TCF25: variants seen among roughly 807,000 people sequenced by gnomAD.
The protein encoded by TCF25 is TCF25 ribosome quality control complex subunit, also known as ribosome quality control complex subunit TCF25.
TCF25 carries 41 observed loss-of-function variants against 83.1 expected under a neutral mutation model. That is an observed-to-expected ratio of 0.49 (90% CI 0.38 to 0.64). TCF25 has a LOEUF of 0.64. TCF25 is among the 30% of genes least tolerant of loss of function. The pLI, the probability that TCF25 is intolerant of heterozygous loss-of-function variation, is 0.00. For synonymous variants in TCF25, 458 were observed against 365.0 expected, an observed-to-expected ratio of 1.25 and a Z score of -2.90; for missense variants, 979 against 914.5, an observed-to-expected ratio of 1.07 and a Z score of -0.91.
At chr16:89,878,537 C>A (rs747794792) in intron 1 of TCF25, 2 of 1,230,554 alleles carry the variant, frequency 1.6e-6, no homozygotes, top group South Asian at 2.8e-5. Flanking sequence ...GCTGATCGAG[C>A]TTTATCCTAA....
intron 12 of TCF25, among the ~76,000 whole-genome samples, chr16:89,903,622 A>T (rs1348373976): frequency 2.0e-5 from 3 of 152,110 alleles, no homozygotes; most frequent in Non-Finnish European, 4.4e-5. Flanking sequence ...CCTGGCCAGC[A>T]TGGTGAAACC....
chr16:89,879,318 G>A lies in TCF25; in HGVS notation c.193-4033G>A, dbSNP rs1442456091. Among the ~76,000 whole-genome samples the A allele has an allele frequency of 2.1e-5, 3 of 145,232 alleles. 1 individual carries two copies. Among genetic ancestry groups the A allele is most frequent in the African/African-American group, 5.3e-5 (2 of 37,616 alleles). On this transcript the variant is annotated intron_variant, in intron 1 of 17. Transcript: ENST00000263346. ...AGACGGGCTTCAGAGCCTGTCACAC[G>A]TGCTGTTCGTGTACACAGACGGGCT...
intron 16 of TCF25, among the ~76,000 whole-genome samples, chr16:89,908,632 A>G (rs868051296): frequency 1.8e-3 from 11 of 6,132 alleles, no homozygotes; most frequent in Non-Finnish European, 2.4e-3. Context: ...CCCAGCTCCC[A>G]CCTCCCACCT....
intron 1 of TCF25, among the ~76,000 whole-genome samples, chr16:89,881,599 T>G (rs2042613422): frequency 6.6e-6 from 1 of 152,040 alleles, no homozygotes; most frequent in Non-Finnish European, 1.5e-5. Context: ...TCAAGAGGTG[T>G]GTGCCACCAC....
chr16:89,894,976 A>G, intron 7 of TCF25, 62 bp from the exon 8 acceptor site: 1 of 1,486,306 alleles, frequency 6.7e-7, no homozygotes, highest in Non-Finnish European at 9.3e-7. Flanking sequence ...AAAAAAAGGC[A>G]TGCCTGGGAG....
rs967480369 is a variant in TCF25 at position 89,894,339 on chromosome 16, C to G, written c.828+481C>G. ...ACCCTGGACAGCCCTCATGCAGCCC[C>G]TGGACAGCTCCCCTTGCAGCCCCGG... On this transcript the variant is annotated intron_variant, in intron 7 of 17. Coordinates refer to ENST00000263346, the MANE Select transcript of TCF25 (RefSeq NM_014972.3). Among the ~76,000 whole-genome samples, 82 of 150,486 alleles carry G rather than the reference C, an allele frequency of 5.4e-4. 1 individual carries two copies. Among genetic ancestry groups the G allele is most frequent in the Non-Finnish European group, 1.0e-4 (7 of 67,562 alleles).
chr16:89,898,642 A>G lies in TCF25; in HGVS notation c.1108A>G (p.Ile370Val). The change falls in exon 10 of 18, where the codon ATC (isoleucine) becomes GTC (valine). Residue 370 changes from isoleucine (I) to valine (V), a missense_variant. Ile to Val is a conservative substitution (Grantham distance 29). Transcript: ENST00000263346. ...PRTALEYCKLILSLEPDEDPL... is the reference protein window; with the variant it reads ...PRTALEYCKLVLSLEPDEDPL... ...CACGGCGCTGGAGTACTGCAAGCTC[A>G]TCCTGAGGTGAGTGTCTGCTCAGGG... 1 of 1,612,936 alleles carries G rather than the reference A, an allele frequency of 6.2e-7. No homozygotes were observed. The highest frequency in any genetic ancestry group is 1.1e-5 in the South Asian group (1 of 91,086).
rs1597335284 is a variant in TCF25, at chr16:89,894,900, C to T, written c.829-138C>T. On this transcript the variant is annotated intron_variant, in intron 7 of 17. Coordinates refer to ENST00000263346, the MANE Select transcript of TCF25 (RefSeq NM_014972.3). ...TATCAAGTGATCCTCCTGCCTCAGCCTCCCAAAGTGGTGGGATTACAGGCG... is the reference window on the plus strand; with the variant it reads ...TATCAAGTGATCCTCCTGCCTCAGCTTCCCAAAGTGGTGGGATTACAGGCG... 9 of 623,970 alleles carry T rather than the reference C, an allele frequency of 1.4e-5. No individual in the cohort carries two copies. The East Asian group carries it at 2.2e-4, about 15-fold the overall frequency. The allele number at this position is 623,970 out of a possible 1,614,324, so 38.7% of individuals were successfully genotyped here.
chr16:89,894,050 G>A lies in TCF25; in HGVS notation c.828+192G>A, dbSNP rs140485648. ...TGTGTTCGGAGGCTCTAGGCCAAGCGAGCTCCATCCATACTCAGAGGAGAG... is the reference window on the plus strand; with the variant it reads ...TGTGTTCGGAGGCTCTAGGCCAAGCAAGCTCCATCCATACTCAGAGGAGAG... On this transcript the variant is annotated intron_variant, in intron 7 of 17. Transcript: ENST00000263346. 2.9e-4 allele frequency: 232 copies of A among 790,024 alleles called. 1 individual carries two copies. The African/African-American group carries it at 3.3e-3, about 11-fold the overall frequency. The allele number at this position is 790,024 out of a possible 1,614,324, so 48.9% of individuals were successfully genotyped here. A position where few individuals can be genotyped will look rare whatever the true frequency, so the allele number is the denominator to read the frequency against.
intron 16 of TCF25, 142 bp downstream of exon 16, chr16:89,907,464 C>CAG (rs1567741642): frequency 0.02 from 7,491 of 375,888 alleles, 701 homozygotes; most frequent in East Asian, 0.041. Context: ...TCCCACCTCC[C>CAG]TCCTCCCACC....
At chr16:89,895,006 C>G in intron 7 of TCF25, 32 bp from the exon 8 acceptor site, 1 of 1,597,634 alleles carries the variant, frequency 6.3e-7, no homozygotes, top group Middle Eastern at 1.7e-4. Flanking sequence ...TGCTGAGTGC[C>G]TTTCCTCCAG....
intron 1 of TCF25, 71 bp from the exon 2 acceptor site, chr16:89,883,280 C>G: frequency 6.4e-7 from 1 of 1,568,276 alleles, no homozygotes; most frequent in African/African-American, 1.3e-5. Flanking sequence ...TCACATCTCA[C>G]TATTCATATC....
intron 11 of TCF25, 113 bp downstream of exon 11, chr16:89,898,985 G>T: frequency 9.8e-7 from 1 of 1,023,524 alleles, no homozygotes. Flanking sequence ...AACGATAATC[G>T]TCTGAGGGCA....
Position 89,893,720 on chromosome 16 carries a change from C to T in TCF25, c.698-8C>T, listed in dbSNP as rs1214676165. The stretch of plus-strand genomic sequence containing the variant: ...GGCACACCCTCCCTGAGCACTCTCC[C>T]CTCCCAGGTCTGTCCATGCGGCTGC... On this transcript the variant is annotated splice_region_variant and splice_polypyrimidine_tract_variant and intron_variant, in intron 6 of 17. Coordinates refer to ENST00000263346, the MANE Select transcript of TCF25 (RefSeq NM_014972.3). 8 of 1,613,556 alleles carry T rather than the reference C, an allele frequency of 5.0e-6. No homozygotes were observed. The highest frequency in any genetic ancestry group is 2.2e-5 in the South Asian group (2 of 91,066).
At chr16:89,900,025 A>T (rs555130822) in intron 11 of TCF25, among the ~76,000 whole-genome samples, 26 of 152,344 alleles carry the variant, frequency 1.7e-4, no homozygotes, top group Admixed American at 1.0e-3. Context: ...GCTCACAAAA[A>T]TGTAGGTGCA....
In TCF25 at chr16:89,873,658, G is replaced by T. The variant is rs1404775288; in HGVS notation, c.-10G>T. 1.3e-6 allele frequency: 2 copies of T among 1,565,182 alleles called. No homozygotes were observed. The highest frequency in any genetic ancestry group is 1.8e-4 in the Middle Eastern group (1 of 5,642). ...CTCCCTCTCTCCAGACGTCGTGGTCGTTCGGTCCTATGTCGCGCCGGGCCC... is the reference window on the plus strand; with the variant it reads ...CTCCCTCTCTCCAGACGTCGTGGTCTTTCGGTCCTATGTCGCGCCGGGCCC... On this transcript the variant is annotated 5_prime_UTR_variant, in exon 1 of 18. Transcript: ENST00000263346.
intron 1 of TCF25, 24 bp downstream of exon 1, chr16:89,873,883 G>C (rs377585892): frequency 4.0e-6 from 6 of 1,507,788 alleles, no homozygotes; most frequent in East Asian, 2.6e-5. Flanking sequence ...CGGCCCGGGT[G>C]GGGGTGGGGT....
intron 15 of TCF25, 133 bp from the exon 16 acceptor site, chr16:89,907,110 C>A: frequency 2.2e-6 from 2 of 898,230 alleles, no homozygotes; most frequent in Non-Finnish European, 3.6e-6. Flanking sequence ...ACAGCCGTTT[C>A]TGTCAGACTC....
At chr16:89,886,544 C>A (rs1373166036) in intron 4 of TCF25, among the ~76,000 whole-genome samples, 3 of 152,110 alleles carry the variant, frequency 2.0e-5, no homozygotes, top group African/African-American at 7.2e-5. Context: ...GGGCAGATCA[C>A]CTGAGGTCAG....
Sources: allele counts gnomAD v4.1 joint callset (sites outside exome capture counted in the v4.1 genomes callset), GRCh38; gene constraint gnomAD v4.1.1; transcripts MANE v1.5; gene names NCBI Gene and HGNC (gene_info 2026-07-23, HGNC 2026-07-21).